EPHA5: variants seen among roughly 807,000 people sequenced by gnomAD.
The protein encoded by EPHA5 is ephrin type-A receptor 5.
EPHA5 carries 60 observed loss-of-function variants against 105.0 expected under a neutral mutation model. The ratio of observed to expected loss-of-function variants is 0.57; its 90% CI spans 0.46 to 0.71. The LOEUF is 0.71. EPHA5 is among the 30% of genes least tolerant of loss of function. EPHA5 has a pLI of 0.00. For missense variants in EPHA5, 1,218 were observed against 1,274.7 expected, an observed-to-expected ratio of 0.96 and a Z score of 0.68; for synonymous variants, 513 against 449.1, an observed-to-expected ratio of 1.14 and a Z score of -1.80.
chr4:65,612,620 C>T (rs994621522), intron 2 of EPHA5, among the ~76,000 whole-genome samples: 2 of 152,084 alleles, frequency 1.3e-5, no homozygotes, highest in Non-Finnish European at 2.9e-5. Flanking sequence ...GGGAATAGTG[C>T]GGTGAGAAAC....
chr4:65,486,866 G>C (rs1320318641), intron 5 of EPHA5, among the ~76,000 whole-genome samples: 1 of 152,190 alleles, frequency 6.6e-6, no homozygotes, highest in Admixed American at 6.5e-5. Context: ...TCCCAATGTT[G>C]GAAGTGGGGC....
chr4:65,487,115 G>T (rs1162323384), intron 5 of EPHA5, among the ~76,000 whole-genome samples: 1 of 152,138 alleles, frequency 6.6e-6, no homozygotes, highest in Admixed American at 6.5e-5. Flanking sequence ...TTCTTGTACT[G>T]CCTGCAGAAC....
chr4:65,380,229 C>T (rs1719422261), intron 8 of EPHA5, among the ~76,000 whole-genome samples: 1 of 151,696 alleles, frequency 6.6e-6, no homozygotes, highest in Non-Finnish European at 1.5e-5. Context: ...TGTTTTAATC[C>T]AAGTTTAAAA....
rs10022549 is a variant in EPHA5 at position 65,586,063 on chromosome 4, A to T, written c.910+15578T>A. On this transcript the variant is annotated intron_variant, in intron 3 of 16. Coordinates refer to ENST00000613740, the MANE Select transcript of EPHA5 (RefSeq NM_001281766.3). Reference sequence around the variant, plus strand: ...TAAGGAAGAGGAAGAGAGAGAGTACACTTAGGGAAATTGGATTTGCAGTCA... The same window carrying T: ...TAAGGAAGAGGAAGAGAGAGAGTACTCTTAGGGAAATTGGATTTGCAGTCA... 1.9e-3 allele frequency among the ~76,000 whole-genome samples: 295 copies of T among 151,798 alleles called. 1 individual carries two copies. Among genetic ancestry groups the T allele is most frequent in the African/African-American group, 6.6e-3 (276 of 41,524 alleles).
In EPHA5 at chr4:65,658,605, A is replaced by G. The variant is rs564789887; in HGVS notation, c.181+10957T>C. On this transcript the variant is annotated intron_variant, in intron 1 of 16. Transcript: ENST00000613740. ...TTACTATATGCTAGAACTTTTATGG[A>G]GCACATTATTAATAATAATTCAATC... Among the ~76,000 whole-genome samples, 61 of 152,204 alleles carry G rather than the reference A, an allele frequency of 4.0e-4. 1 individual carries two copies. The South Asian group carries it at 8.3e-3, about 21-fold the overall frequency.
chr4:65,601,927 C>T lies in EPHA5; in HGVS notation c.624G>A (p.Lys208=). 1 of 1,614,132 alleles carries T rather than the reference C, an allele frequency of 6.2e-7. No individual in the cohort carries two copies. ...EVRDVGPLSK[K]GFYLAFQDVG... is the part of the protein sequence containing the mutation. ...CATCTTGAAAAGCAAGATAAAATCC[C>T]TTTTTGCTTAGAGGTCCTACATCTC... The change falls in exon 3 of 17, where the codon AAG becomes AAA. Residue 208 remains lysine, a synonymous_variant. Coordinates refer to ENST00000613740, the MANE Select transcript of EPHA5 (RefSeq NM_001281766.3).
chr4:65,411,994 C>A (rs1156695430), intron 7 of EPHA5, among the ~76,000 whole-genome samples: 1 of 152,134 alleles, frequency 6.6e-6, no homozygotes, highest in Non-Finnish European at 1.5e-5. Context: ...TTTGGGAGGC[C>A]AAGGCAAGCA....
At chr4:65,434,520 C>A (rs1459987717) in intron 5 of EPHA5, among the ~76,000 whole-genome samples, 1 of 152,062 alleles carries the variant, frequency 6.6e-6, no homozygotes, top group Non-Finnish European at 1.5e-5. Flanking sequence ...TTCCACGGGA[C>A]TACTTAAACA....
chr4:65,374,315 G>C (rs1359824692), intron 8 of EPHA5, among the ~76,000 whole-genome samples: 2 of 151,824 alleles, frequency 1.3e-5, no homozygotes, highest in African/African-American at 4.8e-5. Flanking sequence ...AGAACATTTG[G>C]AATATTAACA....
rs377132545 is a variant in EPHA5, at chr4:65,437,453, C to A, written c.1403-16888G>T. Among the ~76,000 whole-genome samples, 5 of 152,042 alleles carry A rather than the reference C, an allele frequency of 3.3e-5. No homozygotes were observed. In the East Asian group the frequency reaches 7.7e-4, roughly 24 times the overall value. On this transcript the variant is annotated intron_variant, in intron 5 of 16. Transcript: ENST00000613740. ...AAAAGACATATCAAATTTTAGAATA[C>A]TTCACAAATAGTAATAAAAGACTTT...
rs116261046 is a variant in EPHA5 at position 65,596,508 on chromosome 4, A to C, written c.910+5133T>G. On this transcript the variant is annotated intron_variant, in intron 3 of 16. Coordinates refer to ENST00000613740, the MANE Select transcript of EPHA5 (RefSeq NM_001281766.3). ...AAAAAACAAACAAACAAAAAACAAA[A>C]AAACAAACGCAGAGTACTCTCAAAA... Among the ~76,000 whole-genome samples the C allele has an allele frequency of 6.2e-3, 949 of 152,282 alleles. 11 individuals are homozygous for C. The highest frequency in any genetic ancestry group is 0.022 in the African/African-American group (901 of 41,546).
intron 2 of EPHA5, among the ~76,000 whole-genome samples, chr4:65,608,857 A>T (rs1744490490): frequency 6.6e-6 from 1 of 152,226 alleles, no homozygotes; most frequent in South Asian, 2.1e-4. Context: ...TACAATTAGA[A>T]ATCTGTGCTT....
intron 1 of EPHA5, 137 bp downstream of exon 1, chr4:65,669,425 G>T: frequency 1.6e-6 from 2 of 1,243,962 alleles, no homozygotes; most frequent in Non-Finnish European, 2.0e-6. Context: ...AGTGGAAGGG[G>T]ACGACAAATA....
chr4:65,396,025 C>T (rs1026513303), intron 8 of EPHA5, among the ~76,000 whole-genome samples: 1 of 152,162 alleles, frequency 6.6e-6, no homozygotes. Context: ...ACAGCTGCAG[C>T]CACCCAACTG....
intron 3 of EPHA5, among the ~76,000 whole-genome samples, chr4:65,576,066 A>AG (rs1156932022): frequency 3.0e-5 from 2 of 67,366 alleles, no homozygotes; most frequent in Non-Finnish European, 5.9e-5. Context: ...AAGAAAAGAA[A>AG]AGAAAAGAAA....
At chr4:65,599,998 C>T (rs958739941) in intron 3 of EPHA5, among the ~76,000 whole-genome samples, 1 of 152,010 alleles carries the variant, frequency 6.6e-6, no homozygotes, top group Non-Finnish European at 1.5e-5. Flanking sequence ...TCATGGTGGT[C>T]TGAATTAAGT....
chr4:65,478,512 C>T (rs1470899774), intron 5 of EPHA5, among the ~76,000 whole-genome samples: 2 of 151,982 alleles, frequency 1.3e-5, no homozygotes, highest in Non-Finnish European at 2.9e-5. Context: ...TCCTCTGTTG[C>T]ACAGGCCAGA....
intron 3 of EPHA5, among the ~76,000 whole-genome samples, chr4:65,515,210 A>T (rs965544933): frequency 6.6e-6 from 1 of 152,088 alleles, no homozygotes; most frequent in African/African-American, 2.4e-5. Context: ...CACTTTATCT[A>T]TTACTTAAAG....
chr4:65,364,837 A>T (rs1468630782), intron 11 of EPHA5, among the ~76,000 whole-genome samples, 180 bp downstream of exon 11: 1 of 151,694 alleles, frequency 6.6e-6, no homozygotes, highest in African/African-American at 2.4e-5. Flanking sequence ...TAAAAGATAG[A>T]TGAAAATTCA....
Sources: allele counts gnomAD v4.1 joint callset (sites outside exome capture counted in the v4.1 genomes callset), GRCh38; gene constraint gnomAD v4.1.1; transcripts MANE v1.5; gene names NCBI Gene and HGNC (gene_info 2026-07-23, HGNC 2026-07-21).